NKAIN3: variants seen among roughly 807,000 people sequenced by gnomAD.
The protein encoded by NKAIN3 is sodium/potassium transporting ATPase interacting 3, also known as sodium/potassium-transporting ATPase subunit beta-1-interacting protein 3.
A neutral mutation model predicts 30.2 loss-of-function variants in NKAIN3; 25 were observed. That is an observed-to-expected ratio of 0.83 (90% CI 0.60 to 1.16). NKAIN3 has a LOEUF of 1.16. NKAIN3 is among the 50% of genes most tolerant of loss of function. NKAIN3 has a pLI of 0.00. For synonymous variants in NKAIN3, 91 were observed against 89.6 expected, an observed-to-expected ratio of 1.02 and a Z score of -0.09; for missense variants, 225 against 254.1, an observed-to-expected ratio of 0.89 and a Z score of 0.78.
intron 1 of NKAIN3, among the ~76,000 whole-genome samples, chr8:62,336,594 C>T (rs184679158): frequency 6.6e-6 from 1 of 152,014 alleles, no homozygotes; most frequent in African/African-American, 2.4e-5. Flanking sequence ...GCTGTCCACA[C>T]ATGTGACAGG....
chr8:62,402,014 T>A (rs900931632), intron 1 of NKAIN3, among the ~76,000 whole-genome samples: 2 of 152,164 alleles, frequency 1.3e-5, no homozygotes, highest in Admixed American at 1.3e-4. Context: ...GCTTCAAGTG[T>A]CCCCTGATCA....
intron 1 of NKAIN3, among the ~76,000 whole-genome samples, chr8:62,255,259 C>T (rs1234291592): frequency 1.3e-5 from 2 of 152,158 alleles, no homozygotes; most frequent in Admixed American, 6.5e-5. Context: ...ATGGAAAACA[C>T]GCAATTGGGA....
At chr8:62,857,345 G>A (rs1208496957) in intron 4 of NKAIN3, among the ~76,000 whole-genome samples, 1 of 152,196 alleles carries the variant, frequency 6.6e-6, no homozygotes, top group Non-Finnish European at 1.5e-5. Flanking sequence ...TTTTCATGGA[G>A]TATCTTACTG....
intron 1 of NKAIN3, among the ~76,000 whole-genome samples, chr8:62,335,167 G>A (rs1163929565): frequency 6.6e-6 from 1 of 152,028 alleles, no homozygotes; most frequent in Non-Finnish European, 1.5e-5. Flanking sequence ...GGGCACAGTG[G>A]CTCAAGCCTG....
intron 1 of NKAIN3, among the ~76,000 whole-genome samples, chr8:62,469,880 C>T (rs1405205278): frequency 6.6e-6 from 1 of 152,124 alleles, no homozygotes; most frequent in Non-Finnish European, 1.5e-5. Context: ...TTGTATGGCT[C>T]AATACTTACT....
chr8:62,691,830 A>C (rs1185111211), intron 3 of NKAIN3, among the ~76,000 whole-genome samples: 2 of 152,254 alleles, frequency 1.3e-5, no homozygotes, highest in African/African-American at 4.8e-5. Flanking sequence ...AACAAGCCAC[A>C]TTAAAACATA....
intron 3 of NKAIN3, among the ~76,000 whole-genome samples, chr8:62,717,608 G>A (rs1814949923): frequency 6.6e-6 from 1 of 151,966 alleles, no homozygotes; most frequent in African/African-American, 2.4e-5. Flanking sequence ...AAAGTGTTCA[G>A]TATTAATATA....
At chr8:62,394,904 G>A (rs78144432) in intron 1 of NKAIN3, among the ~76,000 whole-genome samples, 1 of 150,000 alleles carries the variant, frequency 6.7e-6, no homozygotes, top group Admixed American at 6.6e-5. Flanking sequence ...CCGACGGGGC[G>A]GCGGCTGGAC....
chr8:62,689,558 G>A (rs10093544), intron 3 of NKAIN3, among the ~76,000 whole-genome samples: 41,709 of 151,960 alleles, frequency 0.27, 8,630 homozygotes, highest in African/African-American at 0.58. Flanking sequence ...TTGTACTGAT[G>A]TATCAGGTTT....
At chr8:62,359,174 T>G (rs1816461618) in intron 1 of NKAIN3, among the ~76,000 whole-genome samples, 1 of 152,194 alleles carries the variant, frequency 6.6e-6, no homozygotes, top group Non-Finnish European at 1.5e-5. Flanking sequence ...AGAGCGAGAC[T>G]CCGTATCAAA....
chr8:62,689,089 G>A (rs1813883881), intron 3 of NKAIN3, among the ~76,000 whole-genome samples: 1 of 152,086 alleles, frequency 6.6e-6, no homozygotes, highest in South Asian at 2.1e-4. Flanking sequence ...TCAATGTTGA[G>A]AAGGAAAATA....
At chr8:62,912,669 G>A (rs567634995) in intron 4 of NKAIN3, among the ~76,000 whole-genome samples, 47 of 152,128 alleles carry the variant, frequency 3.1e-4, no homozygotes, top group African/African-American at 1.1e-3. Context: ...CAACACTTTG[G>A]GAGGCTGAGG....
chr8:62,821,477 G>A (rs1417380839), intron 4 of NKAIN3, among the ~76,000 whole-genome samples: 1 of 152,080 alleles, frequency 6.6e-6, no homozygotes, highest in Non-Finnish European at 1.5e-5. Flanking sequence ...TTGAATACTG[G>A]CTGGTGCTTT....
At chr8:62,773,180 T>C (rs1223907153) in intron 4 of NKAIN3, among the ~76,000 whole-genome samples, 1 of 152,176 alleles carries the variant, frequency 6.6e-6, no homozygotes, top group African/African-American at 2.4e-5. Flanking sequence ...GGTAGCTTGA[T>C]GATTTGAGAT....
intron 3 of NKAIN3, among the ~76,000 whole-genome samples, chr8:62,697,454 A>G (rs374427059): frequency 2.6e-5 from 4 of 152,072 alleles, no homozygotes; most frequent in South Asian, 2.1e-4. Flanking sequence ...TACTTTCTCA[A>G]TGAGACTATC....
intron 3 of NKAIN3, among the ~76,000 whole-genome samples, chr8:62,742,231 AAAG>A (rs1815927365): frequency 1.3e-5 from 2 of 152,180 alleles, no homozygotes; most frequent in Non-Finnish European, 1.5e-5. Context: ...GAAAACAAAG[AAAG>A]AAGAGTGTGG....
At chr8:62,856,282 C>T (rs1820056900) in intron 4 of NKAIN3, 1 of 936,984 alleles carries the variant, frequency 1.1e-6, no homozygotes, top group Non-Finnish European at 1.8e-6. Flanking sequence ...CCCTCTGGAC[C>T]AGATTATAAA....
chr8:62,919,348 C>A (rs1317765151), intron 5 of NKAIN3, among the ~76,000 whole-genome samples: 2 of 143,862 alleles, frequency 1.4e-5, no homozygotes. Context: ...AGGTTCACAC[C>A]ATTCTCCTGC....
intron 5 of NKAIN3, among the ~76,000 whole-genome samples, chr8:62,952,954 T>A (rs115805362): frequency 1.8e-4 from 28 of 152,310 alleles, no homozygotes; most frequent in African/African-American, 6.5e-4. Flanking sequence ...TACAATTTTG[T>A]AGTGTCTATA....
Sources: gnomAD v4.1 joint callset for allele counts (sites outside exome capture counted in the v4.1 genomes callset) on GRCh38, gnomAD v4.1.1 for gene constraint, MANE v1.5 for transcripts, NCBI Gene and HGNC (gene_info 2026-07-23, HGNC 2026-07-21) for gene names.